The following MTERF4 variants were observed in gnomAD, a reference collection of about 807,000 sequenced individuals.
The protein encoded by MTERF4 is mitochondrial transcription termination factor 4, also known as transcription termination factor 4, mitochondrial.
Under a neutral mutation model 22.5 loss-of-function variants are expected in MTERF4, and 17 were observed. The observed-to-expected ratio is 0.75, with a 90% CI of 0.52 to 1.13. The LOEUF is 1.13. Ranked by LOEUF, MTERF4 falls within the 50% of genes most tolerant of loss-of-function variation. The pLI, the probability that MTERF4 is intolerant of heterozygous loss-of-function variation, is 0.00. For synonymous variants in MTERF4, 165 were observed against 175.3 expected (o/e 0.94, Z 0.47); for missense variants, 420 against 466.8 (o/e 0.90, Z 0.92).
chr2:241,056,476 A>G, the MTERF4 span, among the ~76,000 whole-genome samples: 2 of 152,020 alleles, frequency 1.3e-5, no homozygotes, highest in African/African-American at 4.8e-5. Flanking sequence ...ACAACAGAAG[A>G]AAAAAAACCA....
the MTERF4 span, among the ~76,000 whole-genome samples, chr2:241,055,868 C>T: frequency 6.6e-6 from 1 of 152,316 alleles, no homozygotes; most frequent in African/African-American, 2.4e-5. Context: ...GCGTTTAAAA[C>T]CAATCTTGAG....
the MTERF4 span, among the ~76,000 whole-genome samples, chr2:241,052,629 GAGGGCCGGGGGGCCAAGC>G: frequency 2.2e-5 from 3 of 137,788 alleles, 1 homozygote; most frequent in Non-Finnish European, 3.1e-5. Flanking sequence ...AGGCAGGTGA[GAGGGCCGGGGGGCCAAGC>G]AGGGTACATG....
chr2:241,059,337 A>G, the MTERF4 span, among the ~76,000 whole-genome samples: 2 of 152,252 alleles, frequency 1.3e-5, no homozygotes, highest in African/African-American at 4.8e-5. Context: ...AACTTTGTAC[A>G]ACCTCTTTTA....
At chr2:241,070,819 A>G (rs2062672794), downstream of MTERF4, among the ~76,000 whole-genome samples, 1 of 152,188 alleles carries the variant, frequency 6.6e-6, no homozygotes, top group South Asian at 2.1e-4. Context: ...GAACAGGGAG[A>G]GAAGAAAGAG....
chr2:241,048,669 C>A, the MTERF4 span: 1 of 1,609,626 alleles, frequency 6.2e-7, no homozygotes, highest in South Asian at 1.1e-5. Flanking sequence ...CAGGAGTCCC[C>A]GATGACTGTG....
At chr2:241,081,773 A>C in intron 4 of MTERF4, 1 of 1,596,390 alleles carries the variant, frequency 6.3e-7, no homozygotes, top group South Asian at 1.1e-5. Flanking sequence ...CCAGGGTTCA[A>C]AGGCAGACGC....
downstream of MTERF4, among the ~76,000 whole-genome samples, chr2:241,083,956 T>C (rs562556819): frequency 2.6e-5 from 4 of 152,126 alleles, no homozygotes; most frequent in Admixed American, 6.5e-5. Flanking sequence ...TCTTTTTTCC[T>C]GCCTAATTTT....
At chr2:241,082,456 G>A (rs73010046), downstream of MTERF4, 18,488 of 916,424 alleles carry the variant, frequency 0.02, 251 homozygotes, top group Non-Finnish European at 0.025. Flanking sequence ...CTAACCCTGA[G>A]GAGGGACGAT....
chr2:241,052,633 G>GT, the MTERF4 span, among the ~76,000 whole-genome samples: 5 of 136,672 alleles, frequency 3.7e-5, no homozygotes, highest in South Asian at 1.0e-3. Flanking sequence ...AGGTGAGAGG[G>GT]CCGGGGGGCC....
the MTERF4 span, chr2:241,063,781 T>C: frequency 2.8e-6 from 3 of 1,086,350 alleles, no homozygotes; most frequent in African/African-American, 1.6e-5. Context: ...ATCCCCACAT[T>C]CCCTGCTGGG....
chr2:241,074,835 T>C (rs2062944540), exon 5 of MTERF4: 1 of 152,210 alleles, frequency 6.6e-6, no homozygotes, highest in African/African-American at 2.4e-5. Flanking sequence ...ATGTGAACGA[T>C]ACCTTCTATC....
chr2:241,063,239 C>T, the MTERF4 span: 1 of 484,938 alleles, frequency 2.1e-6, no homozygotes, highest in Non-Finnish European at 3.8e-6. Flanking sequence ...ATGAGCCCTG[C>T]ACACTCTTGT....
At position 241,073,035 on chromosome 2, in the gene MTERF4, G is replaced by A; in HGVS notation, n.3127C>T. On this transcript the variant is annotated non_coding_transcript_exon_variant, in exon 5 of 5. Coordinates refer to the MTERF4 transcript ENST00000464344. This position sits in a 1 kb window ranked among gnomAD's most constrained non-coding sequence, Gnocchi z 6.6. ...GCTGTCCCTGAAGCAGCTCTGAGGGGGCCCTGCAAGGGGAAGGCCGAGCCC... is the reference window on the plus strand; with the variant it reads ...GCTGTCCCTGAAGCAGCTCTGAGGGAGCCCTGCAAGGGGAAGGCCGAGCCC... 3 of 532,756 alleles carry A rather than the reference G, an allele frequency of 5.6e-6. No homozygotes were observed. The highest frequency in any genetic ancestry group is 3.0e-5 in the South Asian group (1 of 33,728). The allele number at this position is 532,756 out of a possible 1,614,324, so 33.0% of individuals were successfully genotyped here. A position where few individuals can be genotyped will look rare whatever the true frequency, so the allele number is the denominator to read the frequency against.
exon 5 of MTERF4, chr2:241,074,172 T>G (rs2062893375): frequency 6.6e-6 from 1 of 152,242 alleles, no homozygotes; most frequent in African/African-American, 2.4e-5. Context: ...CTGCTGAGCG[T>G]GGTCTCACCC....
Position 241,095,603 on chromosome 2 carries a change from A to T in MTERF4, c.*395T>A. 5.3e-6 allele frequency: 1 copy of T among 190,136 alleles called. No individual in the cohort carries two copies. Among genetic ancestry groups the T allele is most frequent in the Non-Finnish European group, 1.1e-5 (1 of 91,490 alleles). The allele number at this position is 190,136 out of a possible 1,614,324, so 11.8% of individuals were successfully genotyped here. ...CTCGTAATTTTATTTTTATCACAAG[A>T]AGGAAATACATAGTGATTCCTGAAC... On this transcript the variant is annotated 3_prime_UTR_variant, in exon 4 of 4. Transcript: ENST00000391980.
chr2:241,068,913 C>T, downstream of MTERF4: 2 of 1,548,634 alleles, frequency 1.3e-6, no homozygotes, highest in Non-Finnish European at 8.7e-7. This position sits in a 1 kb window ranked among gnomAD's most constrained non-coding sequence, Gnocchi z 5.3. Flanking sequence ...GCCCACAGGG[C>T]CCTGCTGCCT....
At chr2:241,089,398 AC>A, downstream of MTERF4, 1 of 1,550,574 alleles carries the variant, frequency 6.4e-7, no homozygotes, top group Non-Finnish European at 8.7e-7. Flanking sequence ...TCATTCAGGA[AC>A]CTTTAAAAAC....
chr2:241,068,074 C>A, downstream of MTERF4: 3 of 914,076 alleles, frequency 3.3e-6, no homozygotes, highest in East Asian at 2.7e-5. The surrounding 1 kb of genome is among the most constrained non-coding windows in gnomAD (Gnocchi z 5.3). Context: ...CTCACCTGAG[C>A]GGAGACAAAG....
At chr2:241,072,709 G>A (rs768075820) in exon 5 of MTERF4, 20 of 193,648 alleles carry the variant, frequency 1.0e-4, no homozygotes, top group Non-Finnish European at 1.7e-4. Context: ...GCAGCTGCCC[G>A]GGATGCCCAG....
Sources: gnomAD v4.1 joint callset for allele counts (sites outside exome capture counted in the v4.1 genomes callset) on GRCh38, gnomAD v4.1.1 for gene constraint, Gnocchi (gnomAD v3.1) non-coding constraint, MANE v1.5 for transcripts, NCBI Gene and HGNC (gene_info 2026-07-23, HGNC 2026-07-21) for gene names.